Variants in DPYD observed in about 807,000 individuals in gnomAD.
The protein encoded by DPYD is dihydropyrimidine dehydrogenase [NADP(+)].
Under a neutral mutation model 116.2 loss-of-function variants are expected in DPYD, and 109 were observed. That is an observed-to-expected ratio of 0.94 (90% confidence interval 0.80 to 1.10). DPYD has a LOEUF of 1.10. Among genes scored for constraint, DPYD ranks in the 50% least tolerant of loss-of-function variants. The pLI is 0.00. For synonymous variants in DPYD, 440 were observed against 432.0 expected (o/e 1.02, Z -0.23); for missense variants, 1,302 against 1,254.5 (o/e 1.04, Z -0.57).
chr1:97,807,211 T>G (rs568864099), intron 3 of DPYD, among the ~76,000 whole-genome samples: 1 of 152,008 alleles, frequency 6.6e-6, no homozygotes, highest in African/African-American at 2.4e-5. Flanking sequence ...AGTAAGAGTA[T>G]GTTTAATTGT....
intron 13 of DPYD, among the ~76,000 whole-genome samples, chr1:97,514,856 G>C (rs1483242086): frequency 6.6e-6 from 1 of 151,756 alleles, no homozygotes; most frequent in East Asian, 1.9e-4. Flanking sequence ...AGGAAAAAGA[G>C]AGAATGTGCT....
rs140158678 is a variant in DPYD at position 97,501,989 on chromosome 1, C to T, written c.1740+13737G>A. On this transcript the variant is annotated intron_variant, in intron 13 of 22. Transcript: ENST00000370192. ...CTGCTCTTTGTAATGCAATTTCTGACCTATATAAAATATTTTCCATTATCT... is the reference window on the plus strand; with the variant it reads ...CTGCTCTTTGTAATGCAATTTCTGATCTATATAAAATATTTTCCATTATCT... Among the ~76,000 whole-genome samples, 392 of 152,096 alleles carry T rather than the reference C, an allele frequency of 2.6e-3. 3 individuals carry two copies. The highest frequency in any genetic ancestry group is 8.9e-3 in the African/African-American group (371 of 41,524).
At chr1:97,395,638 G>A (rs901389826) in intron 14 of DPYD, among the ~76,000 whole-genome samples, 5 of 152,024 alleles carry the variant, frequency 3.3e-5, no homozygotes, top group African/African-American at 1.2e-4. Flanking sequence ...GTTCCCTCCT[G>A]GTTTCCATGC....
chr1:97,560,025 G>T (rs1652030791), intron 11 of DPYD, among the ~76,000 whole-genome samples: 1 of 152,118 alleles, frequency 6.6e-6, no homozygotes, highest in Non-Finnish European at 1.5e-5. Flanking sequence ...AACCTCACTA[G>T]AAATTAACTA....
chr1:97,605,965 C>T (rs975713458), intron 8 of DPYD, among the ~76,000 whole-genome samples: 1 of 152,078 alleles, frequency 6.6e-6, no homozygotes, highest in Non-Finnish European at 1.5e-5. Context: ...TTAAAACATT[C>T]AGTCCCAATT....
intron 20 of DPYD, among the ~76,000 whole-genome samples, chr1:97,165,096 A>T (rs754177324): frequency 4.3e-4 from 65 of 152,238 alleles, no homozygotes; most frequent in Admixed American, 7.9e-4. Flanking sequence ...TTCATATGGA[A>T]CTGAAAAAGA....
chr1:97,826,311 G>GT (rs1259796331), intron 3 of DPYD, among the ~76,000 whole-genome samples: 4 of 152,000 alleles, frequency 2.6e-5, no homozygotes, highest in Non-Finnish European at 5.9e-5. Flanking sequence ...AATTCAATTT[G>GT]TTTTTTTCTT....
At chr1:97,205,146 C>T (rs1659502131) in intron 19 of DPYD, among the ~76,000 whole-genome samples, 1 of 151,960 alleles carries the variant, frequency 6.6e-6, no homozygotes, top group Non-Finnish European at 1.5e-5. Context: ...GTTAAAGCAC[C>T]AATATTGATA....
chr1:97,641,851 C>T (rs542839265), intron 8 of DPYD, among the ~76,000 whole-genome samples: 6 of 152,240 alleles, frequency 3.9e-5, no homozygotes, highest in Admixed American at 3.3e-4. Flanking sequence ...TTAGAAAACC[C>T]CATCGTCTCA....
intron 2 of DPYD, among the ~76,000 whole-genome samples, chr1:97,834,640 T>C (rs545317952): frequency 3.5e-4 from 54 of 152,174 alleles, no homozygotes; most frequent in African/African-American, 1.2e-3. Context: ...GCTACAATTC[T>C]AAGGCAGTTC....
intron 18 of DPYD, among the ~76,000 whole-genome samples, chr1:97,258,151 G>A (rs1336698288): frequency 6.6e-6 from 1 of 152,128 alleles, no homozygotes; most frequent in Non-Finnish European, 1.5e-5. Flanking sequence ...TAGATGGAGA[G>A]TGGGGCAGAT....
At chr1:97,767,395 G>C (rs1184295748) in intron 3 of DPYD, among the ~76,000 whole-genome samples, 1 of 152,122 alleles carries the variant, frequency 6.6e-6, no homozygotes, top group African/African-American at 2.4e-5. Context: ...TCCCTACTCT[G>C]TGAATTTAAA....
chr1:97,729,786 C>T (rs1010336771), intron 4 of DPYD, among the ~76,000 whole-genome samples: 4 of 152,090 alleles, frequency 2.6e-5, no homozygotes, highest in Non-Finnish European at 5.9e-5. Flanking sequence ...CAATCTTCCC[C>T]ATGAGTTAGT....
At chr1:97,821,634 G>T (rs1018368935) in intron 3 of DPYD, among the ~76,000 whole-genome samples, 3 of 152,038 alleles carry the variant, frequency 2.0e-5, no homozygotes, top group African/African-American at 7.2e-5. Context: ...CAGAAATGCT[G>T]TATAAGATTT....
At chr1:97,156,766 G>A (rs1436570248) in intron 20 of DPYD, among the ~76,000 whole-genome samples, 1 of 151,736 alleles carries the variant, frequency 6.6e-6, no homozygotes, top group Non-Finnish European at 1.5e-5. Context: ...CCCATTACTG[G>A]GTATATACCC....
At chr1:97,414,128 T>TA (rs1484551359) in intron 14 of DPYD, among the ~76,000 whole-genome samples, 4 of 151,488 alleles carry the variant, frequency 2.6e-5, no homozygotes, top group Admixed American at 2.0e-4. Context: ...AAAAGAACAG[T>TA]AAAAAAACAA....
At chr1:97,332,600 C>T (rs1669067416) in intron 16 of DPYD, among the ~76,000 whole-genome samples, 1 of 152,068 alleles carries the variant, frequency 6.6e-6, no homozygotes, top group Non-Finnish European at 1.5e-5. Context: ...AGATAGTTAC[C>T]AACAAAACGA....
intron 14 of DPYD, among the ~76,000 whole-genome samples, chr1:97,447,659 A>G (rs567305879): frequency 2.0e-5 from 3 of 152,290 alleles, no homozygotes; most frequent in South Asian, 4.1e-4. Flanking sequence ...TGAAAAGAAT[A>G]TTAACTATGT....
chr1:97,330,118 G>A (rs967359124), intron 16 of DPYD, among the ~76,000 whole-genome samples: 13 of 151,976 alleles, frequency 8.6e-5, no homozygotes, highest in Non-Finnish European at 1.9e-4. Flanking sequence ...GTGAACAACT[G>A]TTTGGACATT....
Sources: gnomAD v4.1 joint callset for allele counts (sites outside exome capture counted in the v4.1 genomes callset) on GRCh38, gnomAD v4.1.1 for gene constraint, MANE v1.5 for transcripts, NCBI Gene and HGNC (gene_info 2026-07-23, HGNC 2026-07-21) for gene names.